Variants in RPH3A observed in about 807,000 individuals in gnomAD.
The protein encoded by RPH3A is rabphilin-3A.
A neutral mutation model predicts 102.2 loss-of-function variants in RPH3A; 48 were observed. The ratio of observed to expected loss-of-function variants is 0.47; its 90% CI spans 0.37 to 0.60. The LOEUF is 0.60. Among genes scored for constraint, RPH3A ranks in the 20% least tolerant of loss-of-function variants. The pLI is 0.00. For synonymous variants in RPH3A, 310 were observed against 324.3 expected, an observed-to-expected ratio of 0.96 and a Z score of 0.47; for missense variants, 781 against 910.1, an observed-to-expected ratio of 0.86 and a Z score of 1.83.
chr12:112,803,733 G>C (rs1753921010), intron 2 of RPH3A, among the ~76,000 whole-genome samples: 1 of 152,180 alleles, frequency 6.6e-6, no homozygotes, highest in Admixed American at 6.5e-5. Flanking sequence ...TGCAATGCAT[G>C]GACATCATTC....
intron 1 of RPH3A, among the ~76,000 whole-genome samples, chr12:112,592,374 A>G (rs1457387615): frequency 6.6e-6 from 1 of 152,078 alleles, no homozygotes; most frequent in Non-Finnish European, 1.5e-5. Flanking sequence ...GCTGGAGTGC[A>G]GTGGTGTGAT....
chr12:112,826,361 G>T (rs894871841), intron 2 of RPH3A, among the ~76,000 whole-genome samples: 1 of 152,124 alleles, frequency 6.6e-6, no homozygotes, highest in African/African-American at 2.4e-5. Flanking sequence ...TGTGCTAAGG[G>T]GTTTAGATTT....
At chr12:112,639,317 A>G (rs2039869632) in intron 1 of RPH3A, among the ~76,000 whole-genome samples, 1 of 152,212 alleles carries the variant, frequency 6.6e-6, no homozygotes, top group Non-Finnish European at 1.5e-5. Context: ...CTATGCAGCC[A>G]TAAAAAGGAA....
intron 1 of RPH3A, among the ~76,000 whole-genome samples, chr12:112,703,398 A>G (rs1213622779): frequency 6.6e-6 from 1 of 152,246 alleles, no homozygotes; most frequent in Non-Finnish European, 1.5e-5. Context: ...ATCCTTAGTC[A>G]GATTCCCCAA....
chr12:112,820,253 G>A (rs11836768), intron 2 of RPH3A, among the ~76,000 whole-genome samples: 5,741 of 152,254 alleles, frequency 0.038, 357 homozygotes, highest in African/African-American at 0.13. Context: ...TGGAGAGAAC[G>A]AACACTGATG....
chr12:112,605,464 AC>A (rs2039589687), intron 1 of RPH3A, among the ~76,000 whole-genome samples: 1 of 152,142 alleles, frequency 6.6e-6, no homozygotes, highest in Non-Finnish European at 1.5e-5. Context: ...ACAACAAACC[AC>A]TAGACTCAGA....
In RPH3A at chr12:112,620,602, T is replaced by C. The variant is rs574824006; in HGVS notation, c.-140+45283T>C. Among the ~76,000 whole-genome samples, 122 of 152,322 alleles carry C rather than the reference T, an allele frequency of 8.0e-4. 1 individual carries two copies. Among genetic ancestry groups the C allele is most frequent in the African/African-American group, 2.8e-3 (116 of 41,576 alleles). ...CTCTAGACCTGCACAGCTAACTGCT[T>C]AGTCAGTACCGCCACTAGGATGAAC... On this transcript the variant is annotated intron_variant, in intron 1 of 21. Coordinates refer to the RPH3A transcript ENST00000543106.
intron 1 of RPH3A, among the ~76,000 whole-genome samples, chr12:112,630,613 G>A (rs1012655017): frequency 6.6e-6 from 1 of 152,204 alleles, no homozygotes. Flanking sequence ...CAATTCTTTG[G>A]AGAAGGGTGT....
chr12:112,680,562 C>G (rs562414136), intron 1 of RPH3A, among the ~76,000 whole-genome samples: 51 of 152,260 alleles, frequency 3.3e-4, no homozygotes, highest in African/African-American at 1.2e-3. Context: ...GCATTTGAAC[C>G]CAGGCAGTCT....
intron 13 of RPH3A, among the ~76,000 whole-genome samples, chr12:112,878,737 C>T (rs1014038874): frequency 2.0e-5 from 3 of 152,202 alleles, no homozygotes; most frequent in South Asian, 2.1e-4. Context: ...GCATTCCAGG[C>T]AGAGGGAACA....
intron 1 of RPH3A, among the ~76,000 whole-genome samples, chr12:112,589,652 T>C (rs1482507194): frequency 6.6e-6 from 1 of 152,232 alleles, no homozygotes; most frequent in Non-Finnish European, 1.5e-5. Flanking sequence ...ATCACAACAA[T>C]GAACACTTTA....
At chr12:112,699,240 T>C (rs960258677) in intron 1 of RPH3A, among the ~76,000 whole-genome samples, 2 of 152,116 alleles carry the variant, frequency 1.3e-5, no homozygotes, top group Non-Finnish European at 1.5e-5. Context: ...TCTTTTAAGG[T>C]AAAAAGTATA....
chr12:112,827,325 G>A (rs2041894645), intron 2 of RPH3A, among the ~76,000 whole-genome samples: 1 of 152,106 alleles, frequency 6.6e-6, no homozygotes, highest in East Asian at 1.9e-4. Context: ...TTTTGTGTCT[G>A]GCTTCTTTCA....
At chr12:112,765,802 G>A (rs2040884638) in intron 1 of RPH3A, among the ~76,000 whole-genome samples, 1 of 152,124 alleles carries the variant, frequency 6.6e-6, no homozygotes, top group African/African-American at 2.4e-5. Flanking sequence ...CCCATTGATT[G>A]GGCAATTATG....
At chr12:112,663,095 A>T (rs2040060362) in intron 1 of RPH3A, among the ~76,000 whole-genome samples, 1 of 131,536 alleles carries the variant, frequency 7.6e-6, no homozygotes, top group Non-Finnish European at 1.5e-5. Context: ...TGTGAAAGAG[A>T]GAGAGAGAGA....
At chr12:112,745,981 T>A (rs2040742710) in intron 1 of RPH3A, among the ~76,000 whole-genome samples, 1 of 152,172 alleles carries the variant, frequency 6.6e-6, no homozygotes, top group Non-Finnish European at 1.5e-5. Context: ...CCCGAGGAAA[T>A]CCAGGAAGGT....
chr12:112,868,107 T>C (rs2042642261), intron 7 of RPH3A: 1 of 245,748 alleles, frequency 4.1e-6, no homozygotes, highest in Non-Finnish European at 7.9e-6. Context: ...ATTTAAGAGA[T>C]GGAAGACTTG....
At chr12:112,602,530 A>G (rs1171122277) in intron 1 of RPH3A, among the ~76,000 whole-genome samples, 3 of 152,210 alleles carry the variant, frequency 2.0e-5, no homozygotes, top group Non-Finnish European at 4.4e-5. Flanking sequence ...AAGGAGGCCA[A>G]ACTTAGTAGG....
intron 1 of RPH3A, among the ~76,000 whole-genome samples, chr12:112,664,657 G>T (rs2136005384): frequency 6.6e-6 from 1 of 152,222 alleles, no homozygotes; most frequent in East Asian, 1.9e-4. Flanking sequence ...ACCTAGGGTT[G>T]TGGAGGGCAA....
Sources: gnomAD v4.1 joint callset for allele counts (sites outside exome capture counted in the v4.1 genomes callset) on GRCh38, gnomAD v4.1.1 for gene constraint, MANE v1.5 for transcripts, NCBI Gene and HGNC (gene_info 2026-07-23, HGNC 2026-07-21) for gene names.